The following DEPDC5 variants were observed in gnomAD, a reference collection of about 807,000 sequenced individuals.
DEPDC5 encodes the protein DEP domain containing 5, GATOR1 subcomplex subunit.
Under a neutral mutation model 217.3 loss-of-function variants are expected in DEPDC5, and 73 were observed. The observed-to-expected ratio is 0.34, with a 90% CI of 0.28 to 0.41. The LOEUF (loss-of-function observed/expected upper bound fraction) is 0.41, where lower values mean the gene tolerates loss of function less well. Ranked by LOEUF, DEPDC5 falls within the 10% of genes least tolerant of loss-of-function variation. The probability of loss-of-function intolerance (pLI) is 1.00; values close to 1 mark genes in which losing one functional copy is unlikely to be tolerated. For synonymous variants in DEPDC5, 733 were observed against 756.7 expected, an observed-to-expected ratio of 0.97 and a Z score of 0.51; for missense variants, 1,675 against 2,070.1, an observed-to-expected ratio of 0.81 and a Z score of 3.70.
Position 31,810,621 on chromosome 22 carries a change from C to T in DEPDC5, c.1425C>T (p.Ala475=), listed in dbSNP as rs2088173768. Residue 475 remains alanine (A), a synonymous_variant, in exon 20 of 43, where the codon GCC becomes GCT. Transcript: ENST00000651528. ...QVFRLPGPSR[A]QCLTTCRSVR... is the part of the protein sequence containing the mutation. Reference sequence around the variant, plus strand: ...TCAGGCTGCCCGGCCCATCCCGGGCCCAGTGCCTCACCACCTGCAGGTTTT... The same window carrying T: ...TCAGGCTGCCCGGCCCATCCCGGGCTCAGTGCCTCACCACCTGCAGGTTTT... 6.2e-7 allele frequency: 1 copy of T among 1,613,990 alleles called. No homozygotes were observed. The highest frequency in any genetic ancestry group is 8.5e-7 in the Non-Finnish European group (1 of 1,179,980).
intron 8 of DEPDC5, among the ~76,000 whole-genome samples, chr22:31,781,663 C>G (rs1253304600): frequency 6.6e-6 from 1 of 151,992 alleles, no homozygotes; most frequent in East Asian, 1.9e-4. Flanking sequence ...CTCCTGACTT[C>G]AAGTGATCTG....
At chr22:31,822,659 A>T (rs369475519) in intron 23 of DEPDC5, 34 bp from the exon 24 acceptor site, 6 of 1,609,320 alleles carry the variant, frequency 3.7e-6, no homozygotes, top group Non-Finnish European at 5.1e-6. Flanking sequence ...GATGATCTAC[A>T]TTAAGCCAGG....
Position 31,837,105 on chromosome 22 carries a change from T to C in DEPDC5, c.2304T>C (p.Asn768=), listed in dbSNP as rs934407926. 5 of 1,614,024 alleles carry C rather than the reference T, an allele frequency of 3.1e-6. 1 individual carries two copies. Among genetic ancestry groups the C allele is most frequent in the Middle Eastern group, 1.6e-4 (1 of 6,084 alleles). Residue 768 remains asparagine (N), a synonymous_variant, in exon 26 of 43, where the codon AAT becomes AAC. Coordinates refer to ENST00000651528, the MANE Select transcript of DEPDC5 (RefSeq NM_001242896.3). ...DYFPDRQGLQ[N]DYTEGCYDLL... is the part of the protein sequence containing the mutation. ...TCCCTGACCGCCAGGGCCTGCAGAA[T>C]GACTACACAGAGGGCTGTTATGATC...
At chr22:31,849,778 C>G (rs2091928749) in intron 31 of DEPDC5, among the ~76,000 whole-genome samples, 1 of 149,422 alleles carries the variant, frequency 6.7e-6, no homozygotes, top group Admixed American at 6.7e-5. Flanking sequence ...AAGACTCCGT[C>G]TAAAAAAAAA....
At chr22:31,801,777 G>C (rs192092842) in intron 14 of DEPDC5, among the ~76,000 whole-genome samples, 1 of 152,066 alleles carries the variant, frequency 6.6e-6, no homozygotes, top group South Asian at 2.1e-4. Flanking sequence ...GTGATGATAC[G>C]CGTACACATC....
At chr22:31,830,202 G>A (rs893570558) in intron 24 of DEPDC5, among the ~76,000 whole-genome samples, 1 of 152,254 alleles carries the variant, frequency 6.6e-6, no homozygotes, top group African/African-American at 2.4e-5. Flanking sequence ...AGCCCTAGAG[G>A]CTCCACACTG....
intron 38 of DEPDC5, among the ~76,000 whole-genome samples, chr22:31,885,438 T>C (rs1413609723): frequency 1.3e-5 from 2 of 152,166 alleles, no homozygotes; most frequent in Admixed American, 6.5e-5. Context: ...CCAAAAATCA[T>C]GTGTGGGCTG....
chr22:31,904,897 A>T (rs553414776), intron 41 of DEPDC5, among the ~76,000 whole-genome samples: 6 of 152,296 alleles, frequency 3.9e-5, no homozygotes, highest in East Asian at 3.9e-4. Context: ...TATGTAGAGG[A>T]TACAACACAG....
chr22:31,883,406 ACTCTGCTCTG>A (rs771903087), intron 38 of DEPDC5, among the ~76,000 whole-genome samples: 4 of 151,582 alleles, frequency 2.6e-5, no homozygotes, highest in Admixed American at 2.0e-4. Flanking sequence ...ACTGTCCTCC[ACTCTGCTCTG>A]CTCTGCTCTG....
At chr22:31,842,510 G>A (rs1422589325) in intron 27 of DEPDC5, among the ~76,000 whole-genome samples, 2 of 150,744 alleles carry the variant, frequency 1.3e-5, no homozygotes, top group East Asian at 3.9e-4. Context: ...AGGAGGTGGA[G>A]GTTGCAGTGA....
In DEPDC5 at chr22:31,879,554, C is replaced by G. The variant is rs918498202; in HGVS notation, c.3835C>G (p.His1279Asp). 1 of 1,612,146 alleles carries G rather than the reference C, an allele frequency of 6.2e-7. No homozygotes were observed. Among genetic ancestry groups the G allele is most frequent in the Non-Finnish European group, 8.5e-7 (1 of 1,180,028 alleles). The part of the protein sequence containing the change: ...VAMQQPATTW[H>D]TAGVDDFASF... Reference sequence around the variant, plus strand: ...CATGCAGCAGCCCGCCACCACCTGGCACACAGCAGGAGTGGACGACTTCGC... The same window carrying G: ...CATGCAGCAGCCCGCCACCACCTGGGACACAGCAGGAGTGGACGACTTCGC... The change falls in exon 38 of 43, where the codon CAC (histidine) becomes GAC (aspartate). Residue 1279 changes from histidine to aspartate, a missense_variant. This residue lies in a region of DEPDC5 where 194 missense variants were observed against 199.3 expected (regional missense o/e 0.97). Transcript: ENST00000651528.
Position 31,804,856 on chromosome 22 carries a change from T to G in DEPDC5, c.1158T>G (p.Ser386Arg), listed in dbSNP as rs778314907. The G allele has an allele frequency of 6.2e-6, 10 of 1,613,870 alleles. No individual in the cohort carries two copies. Among genetic ancestry groups the G allele is most frequent in the Non-Finnish European group, 8.5e-6 (10 of 1,179,890 alleles). The change falls in exon 17 of 43, where the codon AGT becomes AGG. Residue 386 changes from serine (S) to arginine (R), a missense_variant. Physicochemically the swap from Ser to Arg is moderately radical, Grantham distance 110. Coordinates refer to ENST00000651528, the MANE Select transcript of DEPDC5 (RefSeq NM_001242896.3). ...TCTCCTTGCAGCTCCATAATCGGAG[T>G]GCTCCCCGTGATTCTCGTCTGGGCG... The part of the protein sequence containing the change: ...AVPLFKLHNR[S>R]APRDSRLGDD...
chr22:31,893,994 T>G, intron 39 of DEPDC5: 2 of 373,156 alleles, frequency 5.4e-6, no homozygotes, highest in Non-Finnish European at 4.7e-6. Context: ...TAATTCTCTG[T>G]GGGGGAGTCC....
rs779693279 is a variant in DEPDC5 at position 31,792,754 on chromosome 22, C to T, written c.704C>T (p.Pro235Leu). Residue 235 changes from proline (P) to leucine (L), a missense_variant, in exon 12 of 43, where the codon CCT (proline) becomes CTT (leucine). Physicochemically the swap from Pro to Leu is moderately conservative, Grantham distance 98. This residue lies in a region of DEPDC5 where 628 missense variants were observed against 762.1 expected (regional missense o/e 0.82). Coordinates refer to ENST00000651528, the MANE Select transcript of DEPDC5 (RefSeq NM_001242896.3). ...FYDAKSVDEF[P>L]EINRASIRQD... is the part of the protein sequence containing the mutation. ...GTTTTCTCTATTTCAGATGAATTTC[C>T]TGAAATAAACCGAGCCTCAATTCGA... 9 of 1,545,048 alleles carry T rather than the reference C, an allele frequency of 5.8e-6. No individual in the cohort carries two copies. Among genetic ancestry groups the T allele is most frequent in the Non-Finnish European group, 7.8e-6 (9 of 1,156,398 alleles).
intron 33 of DEPDC5, among the ~76,000 whole-genome samples, chr22:31,863,998 GTTTA>G (rs751109025): frequency 2.6e-5 from 4 of 151,674 alleles, no homozygotes; most frequent in Admixed American, 2.0e-4. Flanking sequence ...TGTACCTTAT[GTTTA>G]TTTATTATTT....
intron 39 of DEPDC5, among the ~76,000 whole-genome samples, chr22:31,896,142 C>T (rs1372920157): frequency 6.6e-6 from 1 of 152,148 alleles, no homozygotes; most frequent in Non-Finnish European, 1.5e-5. Flanking sequence ...ACACCTTTCA[C>T]ATCTGTTCAT....
chr22:31,818,711 C>T (rs1467777150), intron 21 of DEPDC5, among the ~76,000 whole-genome samples: 1 of 152,200 alleles, frequency 6.6e-6, no homozygotes, highest in East Asian at 1.9e-4. Context: ...AACTCAAGTC[C>T]CATCATTCAG....
Position 31,854,308 on chromosome 22 carries a change from C to T in DEPDC5, c.3156-3137C>T, listed in dbSNP as rs149247388. On this transcript the variant is annotated intron_variant, in intron 31 of 42. Transcript: ENST00000651528. ...AGGTGACTCAGTACATGTGGACTGT[C>T]GTGTGCATCAGATGACAAATCCAAG... is the stretch of plus-strand genomic sequence containing the variant. Among the ~76,000 whole-genome samples the T allele has an allele frequency of 3.3e-3, 508 of 152,258 alleles. 4 individuals are homozygous for T. The highest frequency in any genetic ancestry group is 0.012 in the African/African-American group (478 of 41,550).
At chr22:31,885,738 A>C (rs1012930362) in intron 38 of DEPDC5, among the ~76,000 whole-genome samples, 1 of 146,122 alleles carries the variant, frequency 6.8e-6, no homozygotes, top group African/African-American at 2.5e-5. Flanking sequence ...AAAAAAAAAA[A>C]AAAAGAGACA....
Sources: allele counts gnomAD v4.1 joint callset (sites outside exome capture counted in the v4.1 genomes callset), GRCh38; gene constraint gnomAD v4.1.1; regional missense constraint gnomAD v4.1.1; transcripts MANE v1.5; gene names NCBI Gene and HGNC (gene_info 2026-07-23, HGNC 2026-07-21).